C19orf47: variants seen among roughly 807,000 people sequenced by gnomAD.
C19orf47 encodes the protein chromosome 19 open reading frame 47.
In C19orf47, 18 loss-of-function variants were observed where a neutral mutation model predicts 32.3. That is an observed-to-expected ratio of 0.56 (90% CI 0.39 to 0.83). The LOEUF (loss-of-function observed/expected upper bound fraction) is 0.83. Among genes scored for constraint, C19orf47 ranks in the 40% least tolerant of loss-of-function variants. C19orf47 has a pLI of 0.00. For missense variants in C19orf47, 484 were observed against 531.6 expected, an observed-to-expected ratio of 0.91 and a Z score of 0.88; for synonymous variants, 202 against 211.1, an observed-to-expected ratio of 0.96 and a Z score of 0.37.
the C19orf47 span, among the ~76,000 whole-genome samples, chr19:40,293,826 G>A: frequency 1.3e-5 from 2 of 151,990 alleles, no homozygotes; most frequent in African/African-American, 4.8e-5. Flanking sequence ...GAACTTAGAA[G>A]CATAGCAGGA....
chr19:40,348,195 C>T (rs1026927786), intron 1 of C19orf47, 129 bp downstream of exon 1: 1 of 570,408 alleles, frequency 1.8e-6, no homozygotes, highest in African/African-American at 2.0e-5. Context: ...GGGGAGGAAA[C>T]TGAGGCTCAA....
the C19orf47 span, among the ~76,000 whole-genome samples, chr19:40,309,703 A>G: frequency 6.6e-6 from 1 of 151,936 alleles, no homozygotes; most frequent in African/African-American, 2.4e-5. Flanking sequence ...AAAAAAAAGA[A>G]TATGCAACAA....
At chr19:40,293,756 G>A in the C19orf47 span, among the ~76,000 whole-genome samples, 1 of 152,034 alleles carries the variant, frequency 6.6e-6, no homozygotes, top group African/African-American at 2.4e-5. Flanking sequence ...GAGTCACCAT[G>A]CTCGGCCTTT....
chr19:40,307,068 C>T, the C19orf47 span, among the ~76,000 whole-genome samples: 227 of 141,206 alleles, frequency 1.6e-3, 3 homozygotes, highest in East Asian at 0.035. Flanking sequence ...GGATTACAGG[C>T]GTGAGCCACC....
At chr19:40,328,120 C>T (rs1031193947) in intron 6 of C19orf47, among the ~76,000 whole-genome samples, 2 of 152,058 alleles carry the variant, frequency 1.3e-5, no homozygotes, top group Admixed American at 6.5e-5. Flanking sequence ...GTTCACAAAG[C>T]GTGAACCCCT....
the C19orf47 span, among the ~76,000 whole-genome samples, chr19:40,312,192 A>G: frequency 2.6e-5 from 4 of 152,136 alleles, no homozygotes; most frequent in Non-Finnish European, 5.9e-5. Flanking sequence ...CTCCTCCTGA[A>G]TCTGATGGGC....
downstream of C19orf47, among the ~76,000 whole-genome samples, chr19:40,317,026 G>C (rs1157850543): frequency 1.3e-5 from 2 of 152,096 alleles, no homozygotes; most frequent in Non-Finnish European, 2.9e-5. Flanking sequence ...TCTGAGGAAG[G>C]GACTAGGGGG....
chr19:40,317,806 G>A (rs943458882), downstream of C19orf47, among the ~76,000 whole-genome samples: 7 of 150,406 alleles, frequency 4.7e-5, no homozygotes, highest in African/African-American at 7.4e-5. Flanking sequence ...GGCAACCTCC[G>A]CCTCCTGGGT....
Position 40,321,742 on chromosome 19 carries a change from G to A in C19orf47, c.*140C>T. 7.0e-7 allele frequency: 1 copy of A among 1,432,182 alleles called. No individual in the cohort carries two copies. Among genetic ancestry groups the A allele is most frequent in the East Asian group, 2.5e-5 (1 of 39,722 alleles). The allele number at this position is 1,432,182 out of a possible 1,614,324, so 88.7% of individuals were successfully genotyped here. On this transcript the variant is annotated 3_prime_UTR_variant, in exon 9 of 9. Coordinates refer to ENST00000683109, the MANE Select transcript of C19orf47 (RefSeq NM_001256441.2). The stretch of plus-strand genomic sequence containing the variant: ...GGAGAAATGGGGTGATCCCCCGAAT[G>A]CTCGGGCCTAGCTCTAGAGCCCGAG...
At chr19:40,317,674 C>T (rs1264380469), downstream of C19orf47, among the ~76,000 whole-genome samples, 1 of 151,226 alleles carries the variant, frequency 6.6e-6, no homozygotes, top group African/African-American at 2.4e-5. Context: ...AAGGTTGGTG[C>T]GGACATCTAC....
chr19:40,296,177 C>A, the C19orf47 span, among the ~76,000 whole-genome samples: 537 of 152,298 alleles, frequency 3.5e-3, 1 homozygote, highest in Admixed American at 8.2e-3. Flanking sequence ...GATCATATAG[C>A]CTACTATATA....
intron 2 of C19orf47, among the ~76,000 whole-genome samples, chr19:40,337,474 T>G (rs2145591762): frequency 6.6e-6 from 1 of 151,974 alleles, no homozygotes; most frequent in East Asian, 1.9e-4. Context: ...ATAGCTAAGA[T>G]CACTGATTCG....
chr19:40,321,214 G>A lies in C19orf47; in HGVS notation c.*668C>T. The stretch of plus-strand genomic sequence containing the variant: ...CGGATGCGCCTCAGCCGCAGCCCAG[G>A]GTCTGGAGAGGTCCCTCCAGCCTGG... On this transcript the variant is annotated 3_prime_UTR_variant, in exon 9 of 9. Transcript: ENST00000683109. 2 of 984,778 alleles carry A rather than the reference G, an allele frequency of 2.0e-6. No homozygotes were observed. Among genetic ancestry groups the A allele is most frequent in the Non-Finnish European group, 1.2e-6 (1 of 828,030 alleles). 61.0% of individuals were successfully genotyped at this position (984,778 alleles called of 1,614,324 possible).
chr19:40,303,608 T>C, the C19orf47 span, among the ~76,000 whole-genome samples: 3 of 150,508 alleles, frequency 2.0e-5, no homozygotes, highest in African/African-American at 7.3e-5. Flanking sequence ...ATCGAGACCA[T>C]CCTGGCTAAC....
intron 5 of C19orf47, among the ~76,000 whole-genome samples, chr19:40,329,014 T>C (rs1486763178): frequency 2.0e-5 from 3 of 152,086 alleles, no homozygotes; most frequent in Non-Finnish European, 4.4e-5. Flanking sequence ...TGATGGCAAC[T>C]CCTCAGAGAA....
intron 5 of C19orf47, among the ~76,000 whole-genome samples, chr19:40,331,540 A>G (rs1355655860): frequency 6.6e-6 from 1 of 152,134 alleles, no homozygotes; most frequent in Non-Finnish European, 1.5e-5. Flanking sequence ...CAGGAGGCTG[A>G]GGCAGGAGGA....
At chr19:40,342,157 G>T in intron 1 of C19orf47, 1 of 598,688 alleles carries the variant, frequency 1.7e-6, no homozygotes, top group Non-Finnish European at 2.1e-6. Context: ...GAAAAGGAGT[G>T]CAACAGAAAT....
At chr19:40,318,861 A>G (rs1783979843), downstream of C19orf47, among the ~76,000 whole-genome samples, 1 of 151,870 alleles carries the variant, frequency 6.6e-6, no homozygotes, top group Admixed American at 6.5e-5. Context: ...ATATGACGTA[A>G]CTGAAAAACT....
chr19:40,342,997 C>G (rs774477327), intron 1 of C19orf47, among the ~76,000 whole-genome samples: 4 of 152,270 alleles, frequency 2.6e-5, no homozygotes, highest in Non-Finnish European at 4.4e-5. Context: ...ATATTAGCAC[C>G]AATGGAGACT....
Sources: allele counts gnomAD v4.1 joint callset (sites outside exome capture counted in the v4.1 genomes callset), GRCh38; gene constraint gnomAD v4.1.1; transcripts MANE v1.5; gene names NCBI Gene and HGNC (gene_info 2026-07-23, HGNC 2026-07-21).